The following ARL6IP1 variants were observed in gnomAD, a reference collection of about 807,000 sequenced individuals.
ARL6IP1 encodes ADP-ribosylation factor-like protein 6-interacting protein 1.
Under a neutral mutation model 30.1 loss-of-function variants are expected in ARL6IP1, and 16 were observed. The observed-to-expected ratio is 0.53, with a 90% CI of 0.36 to 0.81. The LOEUF (loss-of-function observed/expected upper bound fraction) is 0.81. Ranked by LOEUF, ARL6IP1 falls within the 30% of genes least tolerant of loss-of-function variation. ARL6IP1 has a pLI of 0.01. For missense variants in ARL6IP1, 173 were observed against 242.7 expected (o/e 0.71, Z 1.91); for synonymous variants, 72 against 84.8 (o/e 0.85, Z 0.83).
At chr16:18,794,255 A>C (rs532182636) in intron 5 of ARL6IP1, among the ~76,000 whole-genome samples, 1 of 152,278 alleles carries the variant, frequency 6.6e-6, no homozygotes, top group South Asian at 2.1e-4. Context: ...CCAGCCAGTT[A>C]TTACATTTTA....
intron 5 of ARL6IP1, 58 bp from the exon 6 acceptor site, chr16:18,793,428 TTAC>T: frequency 4.2e-6 from 4 of 957,994 alleles, no homozygotes; most frequent in Admixed American, 5.8e-5. Context: ...CTAAAGGTTA[TTAC>T]TTTTTTTTTT....
chr16:18,798,181 G>T, intron 2 of ARL6IP1, 137 bp from the exon 3 acceptor site: 1 of 854,470 alleles, frequency 1.2e-6, no homozygotes, highest in Non-Finnish European at 1.7e-6. Context: ...TTTCTCACAA[G>T]TGGCTTTCCA....
At chr16:18,799,024 G>C (rs1031145903) in intron 1 of ARL6IP1, among the ~76,000 whole-genome samples, 190 bp from the exon 2 acceptor site, 2 of 151,472 alleles carry the variant, frequency 1.3e-5, no homozygotes, top group Admixed American at 1.3e-4. Flanking sequence ...TTTGTTTTTT[G>C]TGTTTTTTTT....
Position 18,798,764 on chromosome 16 carries a change from A to G in ARL6IP1, c.107T>C (p.Val36Ala), listed in dbSNP as rs765179632. 1 of 1,614,188 alleles carries G rather than the reference A, an allele frequency of 6.2e-7. No individual in the cohort carries two copies. The highest frequency in any genetic ancestry group is 8.5e-7 in the Non-Finnish European group (1 of 1,180,036). ...WGEVMLMADK[V>A]LRWERAWFPP... ...AAACCAGGCTCTTTCCCATCGGAGGACTTTATCAGCCATCAGCATCACTTC... is the reference window on the plus strand; with the variant it reads ...AAACCAGGCTCTTTCCCATCGGAGGGCTTTATCAGCCATCAGCATCACTTC... The change falls in exon 2 of 6, where the codon GTC (valine) becomes GCC (alanine). Residue 36 changes from valine to alanine, a missense_variant. Physicochemically the swap from Val to Ala is moderately conservative, Grantham distance 64. Coordinates refer to ENST00000304414, the MANE Select transcript of ARL6IP1 (RefSeq NM_015161.3).
Position 18,793,186 on chromosome 16 carries a change from A to C in ARL6IP1, c.*66T>G. 1.0e-6 allele frequency: 1 copy of C among 990,278 alleles called. No individual in the cohort carries two copies. Among genetic ancestry groups the C allele is most frequent in the Non-Finnish European group, 1.6e-6 (1 of 640,874 alleles). 61.3% of individuals were successfully genotyped at this position (990,278 alleles called of 1,614,324 possible). A position where few individuals can be genotyped will look rare whatever the true frequency, so the allele number is the denominator to read the frequency against. ...TTCCGTAACATTTTAGTATCCAGAT[A>C]GTACAGCAGAAACGGTTCCCGGGGC... On this transcript the variant is annotated 3_prime_UTR_variant, in exon 6 of 6. Transcript: ENST00000304414.
intron 1 of ARL6IP1, 52 bp downstream of exon 1, chr16:18,801,379 G>A: frequency 6.2e-7 from 1 of 1,605,670 alleles, no homozygotes; most frequent in East Asian, 2.2e-5. Flanking sequence ...TTGAGCCCAC[G>A]GACGTCTGGA....
At chr16:18,799,922 T>C (rs1461449477) in intron 1 of ARL6IP1, among the ~76,000 whole-genome samples, 1 of 152,174 alleles carries the variant, frequency 6.6e-6, no homozygotes, top group Non-Finnish European at 1.5e-5. Flanking sequence ...CTCTATGTTA[T>C]CAGGCTGGAT....
At position 18,793,729 on chromosome 16, in the gene ARL6IP1, C is replaced by T. The variant is rs142373583; in HGVS notation, c.494-359G>A. 1.7e-3 allele frequency among the ~76,000 whole-genome samples: 248 copies of T among 148,336 alleles called. 1 individual carries two copies. Among genetic ancestry groups the T allele is most frequent in the Non-Finnish European group, 1.7e-3 (115 of 67,320 alleles). ...TACGGGCGTGAGCCACCACACCCAG[C>T]GACAAGTCTCACTCTTTTTGCCCAG... On this transcript the variant is annotated intron_variant, in intron 5 of 5. Transcript: ENST00000304414.
chr16:18,801,055 A>T, intron 1 of ARL6IP1: 2 of 557,246 alleles, frequency 3.6e-6, no homozygotes, highest in South Asian at 4.2e-5. Flanking sequence ...CATCCAGGTT[A>T]AGATCAAAGA....
chr16:18,800,338 C>T (rs1462485767), intron 1 of ARL6IP1, among the ~76,000 whole-genome samples: 1 of 152,160 alleles, frequency 6.6e-6, no homozygotes, highest in Non-Finnish European at 1.5e-5. Flanking sequence ...CGACCAAAGG[C>T]GTTGCTTTCC....
intron 3 of ARL6IP1, among the ~76,000 whole-genome samples, chr16:18,796,181 C>A (rs558993790): frequency 1.3e-5 from 2 of 152,250 alleles, no homozygotes; most frequent in East Asian, 1.9e-4. Flanking sequence ...CAACAAGAGA[C>A]CCTCCAAGAA....
chr16:18,798,744 A>T lies in ARL6IP1; in HGVS notation c.127T>A (p.Trp43Arg). The change falls in exon 2 of 6, where the codon TGG becomes AGG. Residue 43 changes from tryptophan (W) to arginine (R), a missense_variant. Transcript: ENST00000304414. ...ACACCCATGATGGCAGGTGGAAACC[A>T]GGCTCTTTCCCATCGGAGGACTTTA... ...ADKVLRWERAWFPPAIMGVVS... is the reference protein window; with the variant it reads ...ADKVLRWERARFPPAIMGVVS... 1 of 1,614,216 alleles carries T rather than the reference A, an allele frequency of 6.2e-7. No homozygotes were observed. Among genetic ancestry groups the T allele is most frequent in the South Asian group, 1.1e-5 (1 of 91,084 alleles).
intron 3 of ARL6IP1, 131 bp from the exon 4 acceptor site, chr16:18,795,712 T>C: frequency 1.6e-6 from 1 of 638,568 alleles, no homozygotes; most frequent in South Asian, 2.1e-5. Flanking sequence ...TTATCTTATG[T>C]AGGTGAAAAA....
At chr16:18,800,054 C>T (rs1054270430) in intron 1 of ARL6IP1, among the ~76,000 whole-genome samples, 2 of 152,178 alleles carry the variant, frequency 1.3e-5, no homozygotes, top group African/African-American at 4.8e-5. Context: ...CACTGGAAAT[C>T]ATGCAAATGA....
At chr16:18,799,712 A>G (rs2030351814) in intron 1 of ARL6IP1, among the ~76,000 whole-genome samples, 1 of 152,224 alleles carries the variant, frequency 6.6e-6, no homozygotes, top group African/African-American at 2.4e-5. Flanking sequence ...TACTTTCACC[A>G]AATTAAGGTG....
intron 5 of ARL6IP1, 124 bp downstream of exon 5, chr16:18,794,475 T>C: frequency 1.6e-6 from 1 of 621,708 alleles, no homozygotes; most frequent in Non-Finnish European, 2.9e-6. Context: ...ATAATAATCT[T>C]TCCATATTCC....
chr16:18,794,554 T>G, intron 5 of ARL6IP1, 45 bp downstream of exon 5: 1 of 1,476,938 alleles, frequency 6.8e-7, no homozygotes, highest in Non-Finnish European at 9.4e-7. Context: ...TACAGTTAAA[T>G]TTCACTGGCC....
chr16:18,794,681 G>A lies in ARL6IP1; in HGVS notation c.411C>T (p.Tyr137=). 1 of 1,610,296 alleles carries A rather than the reference G, an allele frequency of 6.2e-7. No homozygotes were observed. Among genetic ancestry groups the A allele is most frequent in the South Asian group, 1.1e-5 (1 of 90,514 alleles). Residue 137 remains tyrosine, a splice_region_variant and synonymous_variant, in exon 5 of 6, where the codon TAC becomes TAT. Transcript: ENST00000304414. ...FTLKEEKPKM[Y]FMTMIVSLAA... is the part of the protein sequence containing the mutation. ...CAAGGGAAACGATCATGGTCATGAA[G>A]TACTAGCAATGAAAACAAGAATTTA...
Position 18,801,195 on chromosome 16 carries a change from C to CT in ARL6IP1, c.36+235dup, listed in dbSNP as rs1410283185. The CT allele has an allele frequency of 8.5e-6, 12 of 1,409,978 alleles. No individual in the cohort carries two copies. The Admixed American group carries it at 2.4e-4, about 28-fold the overall frequency. The allele number at this position is 1,409,978 out of a possible 1,614,324, so 87.3% of individuals were successfully genotyped here. On this transcript the variant is annotated intron_variant, in intron 1 of 5. Coordinates refer to ENST00000304414, the MANE Select transcript of ARL6IP1 (RefSeq NM_015161.3). ...CTGCCTCCCACTTCCTCCTCGACTC[C>CT]TACTCGCGGTGATGAATCACGCGCC...
Sources: gnomAD v4.1 joint callset for allele counts (sites outside exome capture counted in the v4.1 genomes callset) on GRCh38, gnomAD v4.1.1 for gene constraint, MANE v1.5 for transcripts, NCBI Gene and HGNC (gene_info 2026-07-23, HGNC 2026-07-21) for gene names.